Variants in ZMAT4 observed in about 807,000 individuals in gnomAD.
The protein encoded by ZMAT4 is zinc finger matrin-type 4, also known as zinc finger matrin-type protein 4.
In ZMAT4, 17 loss-of-function variants were observed where a neutral mutation model predicts 28.7. That is an observed-to-expected ratio of 0.59 (90% confidence interval 0.41 to 0.89). The LOEUF (loss-of-function observed/expected upper bound fraction) is 0.89, where lower values mean the gene tolerates loss of function less well. ZMAT4 is among the 40% of genes least tolerant of loss of function. The probability of loss-of-function intolerance (pLI) is 0.00; values close to 1 mark genes in which losing one functional copy is unlikely to be tolerated. For synonymous variants in ZMAT4, 117 were observed against 109.2 expected (o/e 1.07, Z -0.44); for missense variants, 240 against 283.8 (o/e 0.85, Z 1.11).
intron 5 of ZMAT4, among the ~76,000 whole-genome samples, chr8:40,620,778 C>T (rs575407853): frequency 8.5e-5 from 13 of 152,302 alleles, no homozygotes; most frequent in African/African-American, 2.4e-4. Flanking sequence ...TTAACACAAC[C>T]TCTCTGAGAA....
At chr8:40,597,584 AT>A in intron 5 of ZMAT4, among the ~76,000 whole-genome samples, 2 of 152,276 alleles carry the variant, frequency 1.3e-5, no homozygotes, top group Middle Eastern at 6.8e-3. Context: ...TCTCCACAGC[AT>A]TTAGCAATAG....
chr8:40,715,382 G>A (rs1383536787), intron 3 of ZMAT4, among the ~76,000 whole-genome samples: 2 of 152,108 alleles, frequency 1.3e-5, no homozygotes, highest in Non-Finnish European at 2.9e-5. Context: ...GGCAACAACA[G>A]CCATGATCTA....
chr8:40,821,867 C>T (rs1310237209), intron 2 of ZMAT4, among the ~76,000 whole-genome samples: 7 of 152,146 alleles, frequency 4.6e-5, no homozygotes, highest in East Asian at 3.9e-4. Flanking sequence ...CAGGGTAGCC[C>T]TCTCAATACT....
At chr8:40,649,337 C>T (rs1004471387) in intron 5 of ZMAT4, among the ~76,000 whole-genome samples, 1 of 152,132 alleles carries the variant, frequency 6.6e-6, no homozygotes, top group Admixed American at 6.5e-5. Context: ...AAGGCCATTA[C>T]ATAATGGTAA....
chr8:40,651,834 G>T (rs1397570470), intron 5 of ZMAT4, among the ~76,000 whole-genome samples: 5 of 131,682 alleles, frequency 3.8e-5, no homozygotes, highest in Non-Finnish European at 8.2e-5. Context: ...AATGGGGAAA[G>T]GATTCCCTAT....
At chr8:40,770,154 A>T (rs1268695582) in intron 2 of ZMAT4, among the ~76,000 whole-genome samples, 1 of 152,094 alleles carries the variant, frequency 6.6e-6, no homozygotes, top group Non-Finnish European at 1.5e-5. Flanking sequence ...TGGCGGAGGC[A>T]TCCTAGTTCA....
intron 1 of ZMAT4, among the ~76,000 whole-genome samples, chr8:40,872,767 T>G (rs1817907900): frequency 6.6e-6 from 1 of 152,084 alleles, no homozygotes; most frequent in African/African-American, 2.4e-5. Context: ...GGGGGGATGG[T>G]TGATGCCAAT....
intron 1 of ZMAT4, among the ~76,000 whole-genome samples, chr8:40,871,036 T>C (rs1430870116): frequency 1.3e-5 from 2 of 152,172 alleles, no homozygotes; most frequent in Non-Finnish European, 1.5e-5. Context: ...GGGAAGTTGC[T>C]TGACGAATGA....
intron 2 of ZMAT4, among the ~76,000 whole-genome samples, chr8:40,811,302 A>C (rs1279504204): frequency 6.6e-6 from 1 of 152,192 alleles, no homozygotes; most frequent in Non-Finnish European, 1.5e-5. Context: ...GGATCTTCAC[A>C]ACTGTGACCC....
intron 2 of ZMAT4, among the ~76,000 whole-genome samples, chr8:40,773,971 CAAT>C (rs1268755544): frequency 6.6e-6 from 1 of 151,880 alleles, no homozygotes; most frequent in African/African-American, 2.4e-5. Flanking sequence ...AAAATAGAGT[CAAT>C]AATTTGGGAC....
intron 3 of ZMAT4, among the ~76,000 whole-genome samples, chr8:40,742,694 TC>T (rs1812058431): frequency 6.6e-6 from 1 of 151,910 alleles, no homozygotes; most frequent in Admixed American, 6.6e-5. Flanking sequence ...GGGTGTTATC[TC>T]CTTTAGCAAA....
intron 3 of ZMAT4, among the ~76,000 whole-genome samples, chr8:40,715,619 A>G (rs190826686): frequency 6.6e-6 from 1 of 152,364 alleles, no homozygotes; most frequent in Admixed American, 6.5e-5. Context: ...TAGAGTAAGT[A>G]AACCCCTCAT....
chr8:40,804,429 C>G (rs1370879447), intron 2 of ZMAT4, among the ~76,000 whole-genome samples: 1 of 152,162 alleles, frequency 6.6e-6, no homozygotes, highest in Non-Finnish European at 1.5e-5. Context: ...GAAAACAGAA[C>G]CACAACATAT....
intron 1 of ZMAT4, among the ~76,000 whole-genome samples, chr8:40,858,952 C>T (rs948654022): frequency 6.6e-6 from 1 of 152,216 alleles, no homozygotes; most frequent in Non-Finnish European, 1.5e-5. Context: ...CTGTCATCCT[C>T]TCAACATTAG....
intron 4 of ZMAT4, 54 bp from the exon 5 acceptor site, chr8:40,674,985 C>T: frequency 1.4e-6 from 2 of 1,391,216 alleles, no homozygotes; most frequent in Non-Finnish European, 2.0e-6. Context: ...ACACTGAGTC[C>T]ACTCTTCCTC....
At chr8:40,582,584 A>G (rs567384617) in intron 5 of ZMAT4, among the ~76,000 whole-genome samples, 8 of 152,318 alleles carry the variant, frequency 5.3e-5, no homozygotes, top group Non-Finnish European at 2.9e-5. Context: ...AAGCTGTAGC[A>G]TTTGTTTTTA....
chr8:40,601,579 AAAG>A (rs1271757570), intron 5 of ZMAT4, among the ~76,000 whole-genome samples: 2 of 6,484 alleles, frequency 3.1e-4, no homozygotes, highest in African/African-American at 6.9e-4. Context: ...AGAAAGAAAG[AAAG>A]AAAGAAAGAA....
At chr8:40,796,199 G>A (rs73615456) in intron 2 of ZMAT4, among the ~76,000 whole-genome samples, 10 of 152,086 alleles carry the variant, frequency 6.6e-5, no homozygotes, top group African/African-American at 2.4e-4. Flanking sequence ...CATCCACAGC[G>A]CCCATGCACC....
At chr8:40,842,660 T>A (rs1054285312) in intron 1 of ZMAT4, among the ~76,000 whole-genome samples, 6 of 152,198 alleles carry the variant, frequency 3.9e-5, no homozygotes, top group Admixed American at 3.9e-4. Context: ...ACTAGGCACT[T>A]CTCATCACTT....
Sources: allele counts gnomAD v4.1 joint callset (sites outside exome capture counted in the v4.1 genomes callset), GRCh38; gene constraint gnomAD v4.1.1; transcripts MANE v1.5; gene names NCBI Gene and HGNC (gene_info 2026-07-23, HGNC 2026-07-21).